The following CARS2 variants were observed in gnomAD, a reference collection of about 807,000 sequenced individuals.
The protein encoded by CARS2 is cysteinyl-tRNA synthetase 2, mitochondrial.
A neutral mutation model predicts 68.8 loss-of-function variants in CARS2; 52 were observed. The observed-to-expected ratio is 0.76, with a 90% CI of 0.61 to 0.95. The LOEUF is 0.95. Among genes scored for constraint, CARS2 ranks in the 40% least tolerant of loss-of-function variants. CARS2 has a pLI of 0.00. For synonymous variants in CARS2, 314 were observed against 303.6 expected (o/e 1.03, Z -0.36); for missense variants, 780 against 754.2 (o/e 1.03, Z -0.40).
chr13:110,665,299 A>C lies in CARS2; in HGVS notation c.920-1781T>G. On this transcript the variant is annotated intron_variant, in intron 8 of 14. Coordinates refer to ENST00000257347, the MANE Select transcript of CARS2 (RefSeq NM_024537.4). The surrounding 1 kb of genome is among the most constrained non-coding windows in gnomAD (Gnocchi z 4.3). ...TGCTTCTACTAAAAATACAAAAATT[A>C]GCTGGGTATGGTGGTATGCACCTGT... is the stretch of plus-strand genomic sequence containing the variant. The C allele has an allele frequency of 4.6e-6, 3 of 651,138 alleles. No homozygotes were observed. Among genetic ancestry groups the C allele is most frequent in the Non-Finnish European group, 5.7e-6 (3 of 524,794 alleles). The allele number at this position is 651,138 out of a possible 1,614,324, so 40.3% of individuals were successfully genotyped here.
At chr13:110,683,736 GCTGGGTGCAGTGGCTCACGC>G (rs1374569495) in intron 5 of CARS2, among the ~76,000 whole-genome samples, 1 of 152,046 alleles carries the variant, frequency 6.6e-6, no homozygotes, top group Non-Finnish European at 1.5e-5. Flanking sequence ...ACATCATCTG[GCTGGGTGCAGTGGCTCACGC>G]CTCCAATCCC....
At chr13:110,681,235 T>C (rs529525965) in intron 6 of CARS2, among the ~76,000 whole-genome samples, 5 of 152,306 alleles carry the variant, frequency 3.3e-5, no homozygotes, top group Admixed American at 3.3e-4. Context: ...GTGTTTTCTA[T>C]TGTTGTGTTA....
intron 3 of CARS2, among the ~76,000 whole-genome samples, chr13:110,696,966 C>T (rs947348103): frequency 4.6e-5 from 7 of 152,220 alleles, no homozygotes; most frequent in Non-Finnish European, 1.0e-4. Flanking sequence ...CTCACCTCTC[C>T]TCCCATCCCC....
At chr13:110,671,419 TAAAGAA>T (rs2062800434) in intron 7 of CARS2, among the ~76,000 whole-genome samples, 1 of 152,174 alleles carries the variant, frequency 6.6e-6, no homozygotes, top group Admixed American at 6.5e-5. Flanking sequence ...TCAACGTTCT[TAAAGAA>T]AAGAATTTTT....
chr13:110,696,508 T>G (rs1013512417), intron 3 of CARS2, among the ~76,000 whole-genome samples: 47 of 152,346 alleles, frequency 3.1e-4, no homozygotes, highest in African/African-American at 1.0e-3. Flanking sequence ...GATTTGCATT[T>G]CTTAAAGAAT....
At chr13:110,689,702 C>T (rs1229811461) in intron 3 of CARS2, among the ~76,000 whole-genome samples, 3 of 152,174 alleles carry the variant, frequency 2.0e-5, no homozygotes, top group Non-Finnish European at 4.4e-5. Context: ...ATAAATATCA[C>T]ATTAAAGAGA....
chr13:110,659,423 T>G (rs1022945841), intron 9 of CARS2, among the ~76,000 whole-genome samples: 3 of 152,140 alleles, frequency 2.0e-5, no homozygotes, highest in Admixed American at 6.5e-5. Context: ...CAAATTTTAC[T>G]CAACAATCCT....
At position 110,705,540 on chromosome 13, in the gene CARS2, CAT is replaced by C. The variant is rs1204835445; in HGVS notation, c.254_255del (p.His85ArgfsTer11). 6.2e-7 allele frequency: 1 copy of C among 1,609,502 alleles called. No individual in the cohort carries two copies. The highest frequency in any genetic ancestry group is 1.7e-5 in the Admixed American group (1 of 59,266). On this transcript the variant is annotated frameshift_variant, in exon 2 of 15. Transcript: ENST00000257347. LOFTEE classifies it high-confidence loss of function. The surrounding 1 kb of genome is among the most constrained non-coding windows in gnomAD (Gnocchi z 4.0). ...ACTCACCAAGCATGGCCAAGGTGCG[CAT>C]GATCATATACAGTTGGTCCACAGCT... is the stretch of plus-strand genomic sequence containing the variant. ...WYSCGPTVYD[H>X]AHLGHACSYV...
upstream of CARS2, among the ~76,000 whole-genome samples, chr13:110,708,377 A>C (rs2064000797): frequency 6.6e-6 from 1 of 152,372 alleles, no homozygotes; most frequent in East Asian, 1.9e-4. Context: ...CACGAATTCA[A>C]GGAAATAACT....
chr13:110,644,736 T>TCACC, intron 12 of CARS2: 1 of 487,370 alleles, frequency 2.1e-6, no homozygotes, highest in Non-Finnish European at 3.6e-6. Context: ...TCATCAGGCT[T>TCACC]CGCGGGTGAA....
chr13:110,646,960 C>A lies in CARS2; in HGVS notation c.1193+141G>T, dbSNP rs538079560. The A allele has an allele frequency of 1.4e-3, 1,446 of 1,021,362 alleles. 3 individuals carry two copies. Among genetic ancestry groups the A allele is most frequent in the Non-Finnish European group, 1.8e-3 (1,285 of 729,104 alleles). 63.3% of individuals were successfully genotyped at this position (1,021,362 alleles called of 1,614,324 possible). A position where few individuals can be genotyped will look rare whatever the true frequency, so the allele number is the denominator to read the frequency against. On this transcript the variant is annotated intron_variant, in intron 11 of 14. Transcript: ENST00000257347. ...TGCCCAGCACCCTGTCTCCTGGGGC[C>A]TCTCTGGGCAGTCCCTGACCCCAAA...
At chr13:110,710,377 C>T (rs1036813492), upstream of CARS2, among the ~76,000 whole-genome samples, 15 of 151,888 alleles carry the variant, frequency 9.9e-5, no homozygotes, top group African/African-American at 3.1e-4. Flanking sequence ...AGCAAGACTC[C>T]GTCTCAAAAA....
chr13:110,656,116 A>C (rs1304334233), intron 9 of CARS2, among the ~76,000 whole-genome samples: 2 of 152,146 alleles, frequency 1.3e-5, no homozygotes, highest in Non-Finnish European at 2.9e-5. Flanking sequence ...CAGCCTGGCC[A>C]ACATGGTGAA....
upstream of CARS2, chr13:110,706,552 T>C (rs2063964910): frequency 6.5e-6 from 1 of 153,112 alleles, no homozygotes; most frequent in South Asian, 2.0e-4. Context: ...AGCACGCTAA[T>C]ACACAGTGTC....
chr13:110,679,640 C>T (rs11842569), intron 6 of CARS2, among the ~76,000 whole-genome samples: 4,487 of 53,826 alleles, frequency 0.083, 248 homozygotes, highest in African/African-American at 0.18. Flanking sequence ...GGAGGGACAC[C>T]GGGCGTGACC....
intron 5 of CARS2, 27 bp downstream of exon 5, chr13:110,687,694 A>C (rs9583527): frequency 7.6e-7 from 1 of 1,318,888 alleles, no homozygotes; most frequent in African/African-American, 1.9e-5. Flanking sequence ...AAAAAAAAGA[A>C]AAAAAAAAAA....
Position 110,665,370 on chromosome 13 carries a change from C to T in CARS2, c.920-1852G>A, listed in dbSNP as rs2062619857. 2.3e-6 allele frequency: 2 copies of T among 854,860 alleles called. No homozygotes were observed. Among genetic ancestry groups the T allele is most frequent in the South Asian group, 1.1e-4 (2 of 18,738 alleles). The allele number at this position is 854,860 out of a possible 1,614,324, so 53.0% of individuals were successfully genotyped here. A position where few individuals can be genotyped will look rare whatever the true frequency, so the allele number is the denominator to read the frequency against. ...CTGAGGCAGGAGAATTGCTTGAACC[C>T]AGGAGGCAGAGGTTGCGGTGAGCTC... On this transcript the variant is annotated intron_variant, in intron 8 of 14. Transcript: ENST00000257347. This position sits in a 1 kb window ranked among gnomAD's most constrained non-coding sequence, Gnocchi z 4.3.
Position 110,641,606 on chromosome 13 carries a change from G to C in CARS2, c.1626C>G (p.Asp542Glu). Residue 542 changes from aspartate (D) to glutamate (E), a missense_variant and splice_region_variant, in exon 15 of 15, where the codon GAC becomes GAG. Coordinates refer to ENST00000257347, the MANE Select transcript of CARS2 (RefSeq NM_024537.4). Reference protein sequence around the residue: ...GLTAHGINIKDRSSTTSTWEL... With the variant: ...GLTAHGINIKERSSTTSTWEL... ...CCCACGTGGATGTTGTACTGCTTCT[G>C]TCCTGGAGAAGAAGAGTGAGGTCCA... 6.2e-7 allele frequency: 1 copy of C among 1,613,104 alleles called. No individual in the cohort carries two copies. Among genetic ancestry groups the C allele is most frequent in the South Asian group, 1.1e-5 (1 of 91,056 alleles).
At position 110,641,591 on chromosome 13, in the gene CARS2, T is replaced by C; in HGVS notation, c.1641A>G (p.Thr547=). The C allele has an allele frequency of 6.2e-7, 1 of 1,613,942 alleles. No homozygotes were observed. ...TTTGATCCAGCAGTTCCCACGTGGATGTTGTACTGCTTCTGTCCTGGAGAA... is the reference window on the plus strand; with the variant it reads ...TTTGATCCAGCAGTTCCCACGTGGACGTTGTACTGCTTCTGTCCTGGAGAA... The part of the protein sequence containing the change: ...GINIKDRSST[T]STWELLDQRT... Residue 547 remains threonine, a synonymous_variant, in exon 15 of 15, where the codon ACA becomes ACG. Transcript: ENST00000257347.
Sources: gnomAD v4.1 joint callset for allele counts (sites outside exome capture counted in the v4.1 genomes callset) on GRCh38, gnomAD v4.1.1 for gene constraint, Gnocchi (gnomAD v3.1) non-coding constraint, MANE v1.5 for transcripts, NCBI Gene and HGNC (gene_info 2026-07-23, HGNC 2026-07-21) for gene names.